SNTG1: variants seen among roughly 807,000 people sequenced by gnomAD.
The protein encoded by SNTG1 is syntrophin gamma 1, also known as gamma-1-syntrophin.
SNTG1 carries 39 observed loss-of-function variants against 74.7 expected under a neutral mutation model. That is an observed-to-expected ratio of 0.52 (90% CI 0.40 to 0.68). The LOEUF is 0.68. Ranked by LOEUF, SNTG1 falls within the 30% of genes least tolerant of loss-of-function variation. SNTG1 has a pLI of 0.00. For synonymous variants in SNTG1, 254 were observed against 217.1 expected (o/e 1.17, Z -1.49); for missense variants, 685 against 609.5 (o/e 1.12, Z -1.30).
intron 11 of SNTG1, 27 bp from the exon 12 acceptor site, chr8:50,553,023 G>T (rs1239204637): frequency 6.2e-7 from 1 of 1,612,716 alleles, no homozygotes. Context: ...ATGAGGTTTT[G>T]ATCTGATTTG....
At chr8:50,776,939 G>A (rs1435270153) in intron 18 of SNTG1, among the ~76,000 whole-genome samples, 4 of 151,902 alleles carry the variant, frequency 2.6e-5, no homozygotes, top group South Asian at 2.1e-4. Flanking sequence ...TTTCTGATGA[G>A]AAATTCTCTG....
At chr8:50,406,108 C>G (rs1477927365) in intron 4 of SNTG1, among the ~76,000 whole-genome samples, 1 of 151,942 alleles carries the variant, frequency 6.6e-6, no homozygotes, top group Non-Finnish European at 1.5e-5. Flanking sequence ...TTATAAGGAT[C>G]ATGTTGAATC....
rs2094205780 is a variant in SNTG1, at chr8:50,524,638, C to T, written c.467-5539C>T. ...ATCAAAATTGTTAATTAAAATATTA[C>T]ACAACAATAAAAATAATACAAATAA... On this transcript the variant is annotated intron_variant, in intron 9 of 18. Coordinates refer to ENST00000642720, the MANE Select transcript of SNTG1 (RefSeq NM_018967.5). Among the ~76,000 whole-genome samples the T allele has an allele frequency of 3.3e-5, 5 of 151,662 alleles. No individual in the cohort carries two copies. In the South Asian group the frequency reaches 1.0e-3, roughly 31 times the overall value.
intron 2 of SNTG1, among the ~76,000 whole-genome samples, chr8:50,386,013 T>C (rs1243177910): frequency 6.6e-6 from 1 of 152,174 alleles, no homozygotes; most frequent in Non-Finnish European, 1.5e-5. Context: ...GAAAGTGGTA[T>C]TGTTCTTGGT....
At chr8:50,530,299 A>G (rs2094256434) in intron 10 of SNTG1, 40 bp downstream of exon 10, 1 of 1,577,964 alleles carries the variant, frequency 6.3e-7, no homozygotes, top group Non-Finnish European at 8.7e-7. Flanking sequence ...ATAAGGAGAT[A>G]ACACATAGCT....
intron 8 of SNTG1, among the ~76,000 whole-genome samples, chr8:50,491,698 T>C (rs1904999): frequency 0.031 from 793 of 25,314 alleles, 14 homozygotes; most frequent in African/African-American, 0.042. Context: ...CCAGAACTTA[T>C]TTATTTATTT....
intron 2 of SNTG1, among the ~76,000 whole-genome samples, chr8:50,368,047 C>T (rs1211527540): frequency 3.9e-5 from 6 of 151,966 alleles, no homozygotes; most frequent in South Asian, 2.1e-4. Context: ...GGTAAGGGAT[C>T]GGGAGGAAAA....
At chr8:50,565,660 T>C (rs1221023351) in intron 12 of SNTG1, among the ~76,000 whole-genome samples, 4 of 151,934 alleles carry the variant, frequency 2.6e-5, no homozygotes, top group Non-Finnish European at 4.4e-5. Flanking sequence ...GACTGTAATA[T>C]TGAGCAAAAA....
At chr8:50,412,140 T>A (rs1364625965) in intron 4 of SNTG1, among the ~76,000 whole-genome samples, 2 of 152,234 alleles carry the variant, frequency 1.3e-5, no homozygotes, top group African/African-American at 4.8e-5. Flanking sequence ...AAGATTCATA[T>A]TAAGGATATT....
chr8:50,194,398 A>C (rs1251653184), intron 2 of SNTG1, among the ~76,000 whole-genome samples: 1 of 151,920 alleles, frequency 6.6e-6, no homozygotes, highest in African/African-American at 2.4e-5. Context: ...TTAAGCCAGG[A>C]AGTTGTATTT....
At chr8:50,050,942 A>G (rs1819516899) in intron 1 of SNTG1, among the ~76,000 whole-genome samples, 1 of 152,058 alleles carries the variant, frequency 6.6e-6, no homozygotes, top group African/African-American at 2.4e-5. Context: ...ATGAAATCCA[A>G]CCCCTTTCAT....
In SNTG1 at chr8:50,704,716, C is replaced by A; in HGVS notation, c.1155C>A (p.Phe385Leu). The A allele has an allele frequency of 6.2e-7, 1 of 1,614,066 alleles. No homozygotes were observed. Among genetic ancestry groups the A allele is most frequent in the Non-Finnish European group, 8.5e-7 (1 of 1,180,004 alleles). ...ESDLAQWERA[F>L]QTATFLEVER... ...ACCTCGCCCAGTGGGAAAGAGCCTT[C>A]CAGACAGCAACCTTTCTAGAAGTAG... is the stretch of plus-strand genomic sequence containing the variant. The change falls in exon 16 of 19, where the codon TTC becomes TTA. Residue 385 changes from phenylalanine to leucine, a missense_variant. By Grantham distance (22) the Phe-to-Leu change is conservative (BLOSUM62 0). Coordinates refer to ENST00000642720, the MANE Select transcript of SNTG1 (RefSeq NM_018967.5).
intron 1 of SNTG1, among the ~76,000 whole-genome samples, chr8:50,091,942 A>T (rs377381712): frequency 6.6e-6 from 1 of 152,158 alleles, no homozygotes; most frequent in South Asian, 2.1e-4. Flanking sequence ...GATAGCAATG[A>T]CAAAATATAA....
At chr8:50,312,578 T>C (rs2090156827) in intron 2 of SNTG1, among the ~76,000 whole-genome samples, 1 of 149,858 alleles carries the variant, frequency 6.7e-6, no homozygotes, top group Non-Finnish European at 1.5e-5. Flanking sequence ...TTTCACTCAG[T>C]AGCCAAGGGT....
chr8:50,394,301 A>G, intron 3 of SNTG1, 36 bp downstream of exon 3: 2 of 1,603,922 alleles, frequency 1.2e-6, no homozygotes, highest in Non-Finnish European at 1.7e-6. Context: ...AAACAGGGAA[A>G]ACAGAATATA....
At chr8:50,617,701 G>A (rs1219623271) in intron 13 of SNTG1, among the ~76,000 whole-genome samples, 9 of 152,208 alleles carry the variant, frequency 5.9e-5, no homozygotes, top group African/African-American at 1.4e-4. Flanking sequence ...GTTCCCGTGA[G>A]AGGGTCGTGA....
chr8:49,959,166 T>A (rs2129675786), intron 1 of SNTG1, among the ~76,000 whole-genome samples: 1 of 152,372 alleles, frequency 6.6e-6, no homozygotes, highest in South Asian at 2.1e-4. Context: ...AAGCATTTTC[T>A]GATTTATGGA....
intron 9 of SNTG1, among the ~76,000 whole-genome samples, chr8:50,524,715 T>C (rs541927990): frequency 6.6e-6 from 1 of 152,252 alleles, no homozygotes; most frequent in East Asian, 1.9e-4. Flanking sequence ...TGGTATTATA[T>C]GCAATCTGGA....
chr8:50,105,821 G>A (rs552241568), intron 1 of SNTG1, among the ~76,000 whole-genome samples: 68 of 151,916 alleles, frequency 4.5e-4, no homozygotes, highest in African/African-American at 1.6e-3. Context: ...TCTGAATTTG[G>A]CTTTCAGCTT....
Sources: allele counts gnomAD v4.1 joint callset (sites outside exome capture counted in the v4.1 genomes callset), GRCh38; gene constraint gnomAD v4.1.1; transcripts MANE v1.5; gene names NCBI Gene and HGNC (gene_info 2026-07-23, HGNC 2026-07-21).